The following MAP1B variants were observed in gnomAD, a reference collection of about 807,000 sequenced individuals.
MAP1B encodes the protein microtubule associated protein 1B.
In MAP1B, 12 loss-of-function variants were observed where a neutral mutation model predicts 176.1. The ratio of observed to expected loss-of-function variants is 0.07; its 90% CI spans 0.04 to 0.11. The LOEUF is 0.11. Ranked by LOEUF, MAP1B falls within the 10% of genes least tolerant of loss-of-function variation. The probability of loss-of-function intolerance (pLI) is 1.00; values close to 1 mark genes in which losing one functional copy is unlikely to be tolerated. For missense variants in MAP1B, 2,523 were observed against 2,990.5 expected (o/e 0.84, Z 3.65); for synonymous variants, 1,044 against 1,135.0 (o/e 0.92, Z 1.61).
rs541300715 is a variant in MAP1B, at chr5:72,200,120, T to G, written c.6765T>G (p.Ser2255=). 1.9e-6 allele frequency: 3 copies of G among 1,614,244 alleles called. No homozygotes were observed. Among genetic ancestry groups the G allele is most frequent in the African/African-American group, 2.7e-5 (2 of 75,058 alleles). ...AGCCAGGTACAAAGACCAAGTCATCTTCACCTGTCAAAAAGAGTGATGGGA... is the reference window on the plus strand; with the variant it reads ...AGCCAGGTACAAAGACCAAGTCATCGTCACCTGTCAAAAAGAGTGATGGGA... The part of the protein sequence containing the change: ...TKKPGTKTKS[S]SPVKKSDGKS... Residue 2255 remains serine, a synonymous_variant, in exon 5 of 7, where the codon TCT becomes TCG. Coordinates refer to ENST00000296755, the MANE Select transcript of MAP1B (RefSeq NM_005909.5).
intron 2 of MAP1B, among the ~76,000 whole-genome samples, chr5:72,170,366 G>T (rs78065584): frequency 2.3e-3 from 345 of 152,290 alleles, no homozygotes; most frequent in African/African-American, 7.9e-3. Flanking sequence ...TCAGCTCTCT[G>T]TATGATGTTT....
intron 2 of MAP1B, among the ~76,000 whole-genome samples, chr5:72,126,016 T>C (rs751534636): frequency 6.6e-6 from 1 of 152,196 alleles, no homozygotes; most frequent in Non-Finnish European, 1.5e-5. Context: ...AGGGAAGAGA[T>C]TGTGAAAGTG....
intron 2 of MAP1B, among the ~76,000 whole-genome samples, chr5:72,126,521 C>T (rs1437672296): frequency 6.6e-6 from 1 of 152,218 alleles, no homozygotes; most frequent in Non-Finnish European, 1.5e-5. Context: ...TCTATCACCA[C>T]TCTCTCCCAT....
chr5:72,148,465 G>C (rs918925912), intron 2 of MAP1B, among the ~76,000 whole-genome samples: 4 of 152,224 alleles, frequency 2.6e-5, no homozygotes, highest in African/African-American at 9.6e-5. Context: ...ATTAATTGCA[G>C]AAAGACCAGG....
At chr5:72,149,551 C>G (rs1746104786) in intron 2 of MAP1B, among the ~76,000 whole-genome samples, 1 of 152,212 alleles carries the variant, frequency 6.6e-6, no homozygotes, top group South Asian at 2.1e-4. Context: ...TCTGGCCCAG[C>G]CTTCTAAGGC....
At chr5:72,150,715 A>G (rs1196017026) in intron 2 of MAP1B, among the ~76,000 whole-genome samples, 1 of 152,088 alleles carries the variant, frequency 6.6e-6, no homozygotes, top group East Asian at 1.9e-4. Flanking sequence ...ATGTATTTTC[A>G]TCATTTAGCT....
chr5:72,147,414 C>A (rs979285231), intron 2 of MAP1B, among the ~76,000 whole-genome samples: 2 of 151,656 alleles, frequency 1.3e-5, no homozygotes, highest in Admixed American at 1.3e-4. Context: ...TGCTCTGTAA[C>A]TATTTGTATT....
At position 72,167,068 on chromosome 5, in the gene MAP1B, CAA is replaced by C. The variant is rs556908129; in HGVS notation, c.287-16673_287-16672del. 1.2e-4 allele frequency among the ~76,000 whole-genome samples: 18 copies of C among 149,608 alleles called. 1 individual carries two copies. The South Asian group carries it at 3.6e-3, about 30-fold the overall frequency. On this transcript the variant is annotated intron_variant, in intron 2 of 6. Coordinates refer to ENST00000296755, the MANE Select transcript of MAP1B (RefSeq NM_005909.5). ...TGGCTCGGTGAGAAAGCTCTGAAAC[CAA>C]AGAGGCAATGCAGAAATGCCAAAAT...
intron 2 of MAP1B, among the ~76,000 whole-genome samples, chr5:72,176,554 T>A (rs1746657493): frequency 6.6e-6 from 1 of 152,178 alleles, no homozygotes; most frequent in South Asian, 2.1e-4. Context: ...AAGGACAAAA[T>A]GCTTTGGCAA....
chr5:72,145,746 C>T (rs921362026), intron 2 of MAP1B, among the ~76,000 whole-genome samples: 2 of 152,214 alleles, frequency 1.3e-5, no homozygotes, highest in African/African-American at 4.8e-5. Flanking sequence ...TCCTAAATCA[C>T]TAGTTAATTA....
rs1746679884 is a variant in MAP1B, at chr5:72,177,773, T to G, written c.287-5970T>G. Reference sequence around the variant, plus strand: ...AGTTCCTGTACCAAGCACCTTTCATTTCTTGCTCTTAGCCATTTAGCTAAA... The same window carrying G: ...AGTTCCTGTACCAAGCACCTTTCATGTCTTGCTCTTAGCCATTTAGCTAAA... On this transcript the variant is annotated intron_variant, in intron 2 of 6. Transcript: ENST00000296755. 3.9e-5 allele frequency among the ~76,000 whole-genome samples: 6 copies of G among 152,376 alleles called. No individual in the cohort carries two copies. The South Asian group carries it at 1.2e-3, about 32-fold the overall frequency.
chr5:72,163,243 AAAAAAG>A (rs1746360519), intron 2 of MAP1B, among the ~76,000 whole-genome samples: 1 of 151,650 alleles, frequency 6.6e-6, no homozygotes, highest in Non-Finnish European at 1.5e-5. Context: ...AAAAAAAAAA[AAAAAAG>A]AAAGAAAAAT....
intron 2 of MAP1B, among the ~76,000 whole-genome samples, chr5:72,169,244 A>G (rs1328395609): frequency 6.6e-6 from 1 of 152,180 alleles, no homozygotes; most frequent in Non-Finnish European, 1.5e-5. Context: ...AAACACACAA[A>G]CAACTCCTGA....
In MAP1B at chr5:72,200,055, G is replaced by C. The variant is rs369382387; in HGVS notation, c.6700G>C (p.Ala2234Pro). ...ALAIEQNLGK[A>P]LKKDLKEKTK... is the part of the protein sequence containing the mutation. ...GGCCATTGAGCAGAACCTGGGCAAAGCTCTAAAGAAAGATCTGAAAGAGAA... is the reference window on the plus strand; with the variant it reads ...GGCCATTGAGCAGAACCTGGGCAAACCTCTAAAGAAAGATCTGAAAGAGAA... Residue 2234 changes from alanine to proline, a missense_variant, in exon 5 of 7, where the codon GCT (alanine) becomes CCT (proline). Around this residue, in one of 4 missense-constraint regions of MAP1B, gnomAD observed 287 missense variants for 401.5 expected, o/e 0.71. Coordinates refer to ENST00000296755, the MANE Select transcript of MAP1B (RefSeq NM_005909.5). 1.9e-5 allele frequency: 31 copies of C among 1,614,108 alleles called. No individual in the cohort carries two copies. The African/African-American group carries it at 3.5e-4, about 18-fold the overall frequency.
chr5:72,150,365 C>T (rs1357631259), intron 2 of MAP1B, among the ~76,000 whole-genome samples: 1 of 152,300 alleles, frequency 6.6e-6, no homozygotes, highest in Non-Finnish European at 1.5e-5. Context: ...TAAGCATCAC[C>T]GACTGGCTGC....
chr5:72,167,309 A>C (rs1302833263), intron 2 of MAP1B, among the ~76,000 whole-genome samples: 4 of 152,192 alleles, frequency 2.6e-5, no homozygotes, highest in African/African-American at 9.7e-5. Flanking sequence ...AAGAAGCAAA[A>C]ATTTTACCCC....
chr5:72,166,707 G>A (rs888810053), intron 2 of MAP1B, among the ~76,000 whole-genome samples: 8 of 152,186 alleles, frequency 5.3e-5, no homozygotes, highest in Admixed American at 4.6e-4. Context: ...ACTATTCGCC[G>A]AGGATGTGTA....
At chr5:72,111,897 A>G (rs1745349975) in intron 1 of MAP1B, among the ~76,000 whole-genome samples, 1 of 152,200 alleles carries the variant, frequency 6.6e-6, no homozygotes. Flanking sequence ...TGAGCTCTGT[A>G]TGTAAGATAT....
chr5:72,194,775 G>A lies in MAP1B; in HGVS notation c.1420G>A (p.Val474Met). The A allele has an allele frequency of 6.2e-7, 1 of 1,614,156 alleles. No homozygotes were observed. Among genetic ancestry groups the A allele is most frequent in the Non-Finnish European group, 8.5e-7 (1 of 1,180,022 alleles). ...SYLTSVSSLI[V>M]WHPANPAEKI... ...CTTAACTTCAGTCTCATCTTTGATT[G>A]TGTGGCATCCAGCAAACCCTGCGGA... Residue 474 changes from valine to methionine, a missense_variant, in exon 5 of 7, where the codon GTG becomes ATG. Around this residue, in one of 4 missense-constraint regions of MAP1B, gnomAD observed 1,925 missense variants for 2,126.0 expected, o/e 0.91. Coordinates refer to ENST00000296755, the MANE Select transcript of MAP1B (RefSeq NM_005909.5). The surrounding 1 kb of genome is among the most constrained non-coding windows in gnomAD (Gnocchi z 7.2).
Sources: allele counts gnomAD v4.1 joint callset (sites outside exome capture counted in the v4.1 genomes callset), GRCh38; gene constraint gnomAD v4.1.1; regional missense constraint gnomAD v4.1.1; non-coding constraint Gnocchi (gnomAD v3.1); transcripts MANE v1.5; gene names NCBI Gene and HGNC (gene_info 2026-07-23, HGNC 2026-07-21).